THEM4: variants seen among roughly 807,000 people sequenced by gnomAD.
THEM4 encodes the protein thioesterase superfamily member 4.
THEM4 carries 22 observed loss-of-function variants against 25.0 expected under a neutral mutation model. That is an observed-to-expected ratio of 0.88 (90% CI 0.63 to 1.26). The LOEUF is 1.26. Ranked by LOEUF, THEM4 falls within the 50% of genes most tolerant of loss-of-function variation. THEM4 has a pLI of 0.00. For synonymous variants in THEM4, 113 were observed against 105.6 expected (o/e 1.07, Z -0.43); for missense variants, 286 against 300.3 (o/e 0.95, Z 0.35).
intron 1 of THEM4, among the ~76,000 whole-genome samples, chr1:151,905,713 C>T (rs1024341230): frequency 2.0e-5 from 3 of 152,176 alleles, no homozygotes; most frequent in Non-Finnish European, 2.9e-5. Flanking sequence ...CATCCCCTTC[C>T]GTGTGATTGT....
At chr1:151,884,415 A>G (rs1653918561) in intron 4 of THEM4, among the ~76,000 whole-genome samples, 1 of 152,230 alleles carries the variant, frequency 6.6e-6, no homozygotes, top group Non-Finnish European at 1.5e-5. Flanking sequence ...TACATCAGTC[A>G]GGTATCAAAG....
chr1:151,872,867 TGA>T lies in THEM4; in HGVS notation c.*2019_*2020del, dbSNP rs1653585010. ...AAGGTTTCCCCCCACTGAGACAGCC[TGA>T]GATATGGCCTCCCGGGAAGGGAAAG... On this transcript the variant is annotated 3_prime_UTR_variant, in exon 6 of 6. Coordinates refer to ENST00000368814, the MANE Select transcript of THEM4 (RefSeq NM_053055.5). Among the ~76,000 whole-genome samples the T allele has an allele frequency of 6.6e-6, 1 of 151,978 alleles. No homozygotes were observed. The highest frequency in any genetic ancestry group is 1.5e-5 in the Non-Finnish European group (1 of 67,976).
chr1:151,877,842 C>T (rs1653716755), intron 4 of THEM4, among the ~76,000 whole-genome samples: 5 of 152,104 alleles, frequency 3.3e-5, no homozygotes, highest in Admixed American at 3.3e-4. Flanking sequence ...AAACATATCA[C>T]AATGAAAGGA....
chr1:151,903,322 AAAAC>A (rs1456261475), intron 1 of THEM4, among the ~76,000 whole-genome samples: 2 of 152,202 alleles, frequency 1.3e-5, no homozygotes, highest in African/African-American at 2.4e-5. Context: ...AGTAAAAACA[AAAAC>A]AAACAAAATT....
At chr1:151,877,205 A>G in intron 4 of THEM4, 80 bp from the exon 5 acceptor site, 1 of 1,423,048 alleles carries the variant, frequency 7.0e-7, no homozygotes, top group Non-Finnish European at 9.4e-7. Context: ...AGTACATGAC[A>G]AGGGATAGAA....
chr1:151,899,388 G>A (rs1654299835), intron 1 of THEM4, among the ~76,000 whole-genome samples: 1 of 152,012 alleles, frequency 6.6e-6, no homozygotes, highest in Non-Finnish European at 1.5e-5. Context: ...CTACTCGGGA[G>A]GCTGAGGCAG....
chr1:151,894,081 T>G (rs952990082), intron 2 of THEM4, among the ~76,000 whole-genome samples: 1 of 152,168 alleles, frequency 6.6e-6, no homozygotes, highest in Non-Finnish European at 1.5e-5. Context: ...CAGGCTGGTC[T>G]TAAACCCCTG....
intron 2 of THEM4, among the ~76,000 whole-genome samples, chr1:151,894,676 T>C (rs1654178964): frequency 6.6e-6 from 1 of 152,030 alleles, no homozygotes; most frequent in African/African-American, 2.4e-5. Context: ...TAACCAGATA[T>C]GGGATAAAGG....
At chr1:151,893,148 GAT>G (rs1654129822) in intron 2 of THEM4, among the ~76,000 whole-genome samples, 3 of 152,034 alleles carry the variant, frequency 2.0e-5, no homozygotes, top group Non-Finnish European at 4.4e-5. Flanking sequence ...AGGTGGGGCA[GAT>G]CACTTGAATT....
In THEM4 at chr1:151,888,255, G is replaced by A; in HGVS notation, c.557+18C>T. 1 of 1,591,236 alleles carries A rather than the reference G, an allele frequency of 6.3e-7. No individual in the cohort carries two copies. The highest frequency in any genetic ancestry group is 8.6e-7 in the Non-Finnish European group (1 of 1,162,796). ...TTAACAACACCTAAGGATAAATAGA[G>A]AATTACTGTGAATTTACCTTTTATA... On this transcript the variant is annotated intron_variant, in intron 4 of 5. Transcript: ENST00000368814.
intron 4 of THEM4, among the ~76,000 whole-genome samples, chr1:151,878,913 C>T (rs1485643406): frequency 6.6e-6 from 1 of 151,256 alleles, no homozygotes; most frequent in Non-Finnish European, 1.5e-5. Flanking sequence ...CACACACACA[C>T]ACACACACAC....
At chr1:151,876,617 T>A (rs1307251460) in intron 5 of THEM4, among the ~76,000 whole-genome samples, 2 of 151,852 alleles carry the variant, frequency 1.3e-5, no homozygotes, top group Non-Finnish European at 2.9e-5. Context: ...CCCGCTAATT[T>A]TTTGTATTTT....
In THEM4 at chr1:151,895,052, C is replaced by A; in HGVS notation, c.242G>T (p.Arg81Leu). ...GTCTTGAATCCATTCAGTAGGTGTA[C>A]GTTTATATGAAGGCAAACGTTTCCA... ...GSWKRLPSYK[R>L]TPTEWIQDFK... The change falls in exon 2 of 6, where the codon CGT (arginine) becomes CTT (leucine). Residue 81 changes from arginine (R) to leucine (L), a missense_variant. By Grantham distance (102) the Arg-to-Leu change is moderately radical. Transcript: ENST00000368814. 6.2e-7 allele frequency: 1 copy of A among 1,613,990 alleles called. No individual in the cohort carries two copies. Among genetic ancestry groups the A allele is most frequent in the South Asian group, 1.1e-5 (1 of 91,084 alleles).
chr1:151,882,484 T>G (rs749798651), intron 4 of THEM4, among the ~76,000 whole-genome samples: 1 of 152,182 alleles, frequency 6.6e-6, no homozygotes, highest in Non-Finnish European at 1.5e-5. Flanking sequence ...CTTTGGTTAA[T>G]GGATGAGGAA....
In THEM4 at chr1:151,906,426, C is replaced by T. The variant is rs917675631; in HGVS notation, c.99+2934G>A. On this transcript the variant is annotated intron_variant, in intron 1 of 5. Coordinates refer to ENST00000368814, the MANE Select transcript of THEM4 (RefSeq NM_053055.5). ...CCATGCCTGAGCCTCCCACGCCCTC[C>T]GTGGGCTCCTGCACGGCCCGAGCCT... is the stretch of plus-strand genomic sequence containing the variant. 2.0e-5 allele frequency among the ~76,000 whole-genome samples: 3 copies of T among 152,256 alleles called. No homozygotes were observed. In the East Asian group the frequency reaches 5.8e-4, roughly 29 times the overall value.
chr1:151,888,958 A>C (rs960667044), intron 3 of THEM4, among the ~76,000 whole-genome samples: 5 of 152,178 alleles, frequency 3.3e-5, no homozygotes, highest in Non-Finnish European at 7.3e-5. Flanking sequence ...TAACACATTA[A>C]TGATATGCTC....
At chr1:151,889,406 A>G (rs772057490) in intron 2 of THEM4, 33 bp from the exon 3 acceptor site, 1 of 1,606,280 alleles carries the variant, frequency 6.2e-7, no homozygotes, top group Non-Finnish European at 8.5e-7. Flanking sequence ...CAAATGAGAA[A>G]CAAGGGTGAG....
Position 151,871,315 on chromosome 1 carries a change from A to C in THEM4, c.*3573T>G, listed in dbSNP as rs1421131226. Among the ~76,000 whole-genome samples the C allele has an allele frequency of 1.5e-5, 2 of 134,232 alleles. No individual in the cohort carries two copies. Among genetic ancestry groups the C allele is most frequent in the Admixed American group, 1.6e-4 (2 of 12,604 alleles). The allele number at this position is 134,232 out of a possible 152,430, so 88.1% of individuals were successfully genotyped here. On this transcript the variant is annotated 3_prime_UTR_variant, in exon 6 of 6. Coordinates refer to ENST00000368814, the MANE Select transcript of THEM4 (RefSeq NM_053055.5). ...ATTCCAGCCCAGGCGACAGAGCCAG[A>C]CCCTGTCTTGAAAAAAAAAAAAAAA...
chr1:151,885,099 ATTTATTTATTTATTT>A (rs1302982530), intron 4 of THEM4, among the ~76,000 whole-genome samples: 2 of 39,290 alleles, frequency 5.1e-5, no homozygotes, highest in African/African-American at 2.1e-4. Flanking sequence ...TTATTTATTT[ATTTATTTATTTATTT>A]ATTTATTTAT....
Sources: allele counts gnomAD v4.1 joint callset (sites outside exome capture counted in the v4.1 genomes callset), GRCh38; gene constraint gnomAD v4.1.1; transcripts MANE v1.5; gene names NCBI Gene and HGNC (gene_info 2026-07-23, HGNC 2026-07-21).